Variants in WWC1 observed in about 807,000 individuals in gnomAD.
WWC1 encodes the protein protein KIBRA.
WWC1 carries 55 observed loss-of-function variants against 138.4 expected under a neutral mutation model. The observed-to-expected ratio is 0.40, with a 90% CI of 0.32 to 0.50. The LOEUF is 0.50. Among genes scored for constraint, WWC1 ranks in the 20% least tolerant of loss-of-function variants. WWC1 has a pLI of 0.72. For missense variants in WWC1, 1,226 were observed against 1,420.4 expected (o/e 0.86, Z 2.20); for synonymous variants, 524 against 564.9 (o/e 0.93, Z 1.03).
intron 1 of WWC1, among the ~76,000 whole-genome samples, chr5:168,357,356 A>G (rs999023470): frequency 6.6e-6 from 1 of 151,140 alleles, no homozygotes; most frequent in Admixed American, 6.6e-5. Context: ...CTGGAAATTC[A>G]TACATTCTCC....
At chr5:168,456,504 G>A (rs1395142647) in intron 19 of WWC1, among the ~76,000 whole-genome samples, 2 of 152,002 alleles carry the variant, frequency 1.3e-5, no homozygotes, top group Non-Finnish European at 2.9e-5. Context: ...GGTGGCACAT[G>A]CTTGTAATCC....
chr5:168,347,752 G>A (rs1774595657), intron 1 of WWC1, among the ~76,000 whole-genome samples: 1 of 151,966 alleles, frequency 6.6e-6, no homozygotes, highest in Admixed American at 6.6e-5. Flanking sequence ...AGTCATTGTC[G>A]AGCAAGGTCA....
chr5:168,388,778 C>A, intron 3 of WWC1, among the ~76,000 whole-genome samples: 1 of 150,792 alleles, frequency 6.6e-6, no homozygotes, highest in East Asian at 2.0e-4. Context: ...TGCAGTGAGC[C>A]AAGATTGCAC....
intron 3 of WWC1, among the ~76,000 whole-genome samples, chr5:168,389,591 A>ATT (rs1250515314): frequency 1.1e-5 from 1 of 88,818 alleles, no homozygotes; most frequent in African/African-American, 4.8e-5. Flanking sequence ...TAACTATTGA[A>ATT]TTTTTGTTTT....
intron 1 of WWC1, among the ~76,000 whole-genome samples, chr5:168,303,796 G>A (rs1770303179): frequency 6.6e-6 from 1 of 152,134 alleles, no homozygotes. Context: ...GCTCGGGAGA[G>A]GAAGGGTCCC....
At chr5:168,443,917 A>G (rs891271624) in intron 16 of WWC1, among the ~76,000 whole-genome samples, 1 of 152,204 alleles carries the variant, frequency 6.6e-6, no homozygotes, top group African/African-American at 2.4e-5. Context: ...GTCTCAATTA[A>G]TCTTCATAAC....
intron 3 of WWC1, 36 bp downstream of exon 3, chr5:168,385,450 C>T: frequency 6.2e-7 from 1 of 1,600,028 alleles, no homozygotes; most frequent in African/African-American, 1.3e-5. Context: ...CCCACCGACA[C>T]CAACAGAGAA....
chr5:168,307,412 A>G (rs1770671966), intron 1 of WWC1, among the ~76,000 whole-genome samples: 1 of 151,994 alleles, frequency 6.6e-6, no homozygotes, highest in African/African-American at 2.4e-5. Flanking sequence ...TTCCAGTTGT[A>G]CAGTGTCTGT....
rs2152840516 is a variant in WWC1, at chr5:168,410,166, G to C, written c.941+171G>C. On this transcript the variant is annotated intron_variant, in intron 8 of 22. Coordinates refer to ENST00000265293, the MANE Select transcript of WWC1 (RefSeq NM_015238.3). ...TTTCATCCTCTCTGAAATTCAGAGA[G>C]GAAATGACTCACCCAGGACACTTCA... 4.3e-6 allele frequency: 3 copies of C among 696,194 alleles called. No homozygotes were observed. The South Asian group carries it at 5.7e-5, about 13-fold the overall frequency. 43.1% of individuals were successfully genotyped at this position (696,194 alleles called of 1,614,324 possible). A position where few individuals can be genotyped will look rare whatever the true frequency, so the allele number is the denominator to read the frequency against.
chr5:168,426,811 C>T (rs943612480), intron 11 of WWC1, among the ~76,000 whole-genome samples: 3 of 152,256 alleles, frequency 2.0e-5, no homozygotes, highest in Non-Finnish European at 4.4e-5. Flanking sequence ...GGTCTGCCCG[C>T]AGGTGCTCAG....
intron 1 of WWC1, among the ~76,000 whole-genome samples, chr5:168,331,873 C>T (rs910852420): frequency 3.3e-5 from 5 of 152,108 alleles, no homozygotes; most frequent in Admixed American, 6.5e-5. Context: ...CTGCTGGGCA[C>T]GGTGGCTCAT....
chr5:168,454,821 A>G (rs1756162553), intron 18 of WWC1, among the ~76,000 whole-genome samples: 1 of 152,204 alleles, frequency 6.6e-6, no homozygotes, highest in African/African-American at 2.4e-5. Flanking sequence ...TAGGCTGACA[A>G]AGGTCCTGCA....
intron 1 of WWC1, among the ~76,000 whole-genome samples, chr5:168,363,907 C>T (rs957078115): frequency 1.3e-5 from 2 of 152,132 alleles, no homozygotes; most frequent in Non-Finnish European, 2.9e-5. Context: ...CCGTGTATCT[C>T]TTAGGGTGAA....
intron 1 of WWC1, among the ~76,000 whole-genome samples, chr5:168,321,005 T>G (rs1300427882): frequency 6.6e-6 from 1 of 152,124 alleles, no homozygotes; most frequent in Admixed American, 6.5e-5. Context: ...CTAATTGCCT[T>G]AAATTACGGC....
At chr5:168,365,566 C>G (rs980815327) in intron 1 of WWC1, among the ~76,000 whole-genome samples, 1 of 152,174 alleles carries the variant, frequency 6.6e-6, no homozygotes, top group East Asian at 1.9e-4. Context: ...GAATGCCCAC[C>G]GTGGTCTCAT....
At chr5:168,315,027 C>T (rs1771454141) in intron 1 of WWC1, among the ~76,000 whole-genome samples, 1 of 152,204 alleles carries the variant, frequency 6.6e-6, no homozygotes, top group Admixed American at 6.5e-5. Context: ...AGGCTGCTGA[C>T]ACCCCCCAGA....
chr5:168,316,262 T>C (rs925451849), intron 1 of WWC1, among the ~76,000 whole-genome samples: 3 of 152,222 alleles, frequency 2.0e-5, no homozygotes, highest in African/African-American at 7.2e-5. Flanking sequence ...CAGGCTGTCT[T>C]CATCGCATCA....
chr5:168,368,345 A>G (rs1776487097), intron 1 of WWC1, among the ~76,000 whole-genome samples: 1 of 152,216 alleles, frequency 6.6e-6, no homozygotes, highest in Non-Finnish European at 1.5e-5. Context: ...ATTATGCCAG[A>G]CACAGGATTC....
chr5:168,439,470 CA>C (rs34911162), intron 15 of WWC1, among the ~76,000 whole-genome samples: 26,899 of 136,952 alleles, frequency 0.2, 2,665 homozygotes, highest in East Asian at 0.36. Context: ...ACTAAAAATA[CA>C]AAAAAAAAAA....
Sources: allele counts gnomAD v4.1 joint callset (sites outside exome capture counted in the v4.1 genomes callset), GRCh38; gene constraint gnomAD v4.1.1; transcripts MANE v1.5; gene names NCBI Gene and HGNC (gene_info 2026-07-23, HGNC 2026-07-21).